The following LONP1 variants were observed in gnomAD, a reference collection of about 807,000 sequenced individuals.
The protein encoded by LONP1 is lon peptidase 1, mitochondrial, also known as lon protease homolog, mitochondrial.
A neutral mutation model predicts 98.5 loss-of-function variants in LONP1; 31 were observed. The ratio of observed to expected loss-of-function variants is 0.31; its 90% CI spans 0.24 to 0.42. LONP1 has a LOEUF of 0.42. Among genes scored for constraint, LONP1 ranks in the 20% least tolerant of loss-of-function variants. LONP1 has a pLI of 1.00. For missense variants in LONP1, 1,336 were observed against 1,350.6 expected (o/e 0.99, Z 0.17); for synonymous variants, 781 against 594.7 (o/e 1.31, Z -4.56).
chr19:5,707,902 G>A (rs914651159), intron 5 of LONP1, 76 bp from the exon 6 acceptor site: 25 of 1,527,106 alleles, frequency 1.6e-5, no homozygotes, highest in African/African-American at 6.8e-5. Flanking sequence ...ACGGGGACCC[G>A]GTCCTCAGGG....
chr19:5,711,864 C>G lies in LONP1; in HGVS notation c.777G>C (p.Ala259=), dbSNP rs756426231. The change falls in exon 4 of 18, where the codon GCG becomes GCC. Residue 259 remains alanine, a synonymous_variant. Coordinates refer to ENST00000360614, the MANE Select transcript of LONP1 (RefSeq NM_004793.4). ...ELSARHPAEL[A]MEPTPELPAE... ...CCGGGAGCTCAGGGGTGGGCTCCAT[C>G]GCCAGCTCCGCCGGGTGCCTGGCGC... The G allele has an allele frequency of 1.9e-6, 3 of 1,612,820 alleles. No individual in the cohort carries two copies. Among genetic ancestry groups the G allele is most frequent in the South Asian group, 2.2e-5 (2 of 91,074 alleles).
rs552366352 is a variant in LONP1, at chr19:5,719,851, G to A, written c.282C>T (p.Ala94=). 7.5e-6 allele frequency: 12 copies of A among 1,605,282 alleles called. No individual in the cohort carries two copies. Among genetic ancestry groups the A allele is most frequent in the South Asian group, 3.3e-5 (3 of 90,518 alleles). Residue 94 remains alanine, a synonymous_variant, in exon 1 of 18, where the codon GCC becomes GCT. Coordinates refer to ENST00000360614, the MANE Select transcript of LONP1 (RefSeq NM_004793.4). ...DASEGGAEEG[A]GGAGGSAGAG... is the part of the protein sequence containing the mutation. Reference sequence around the variant, plus strand: ...CGCCCGCGCTGCCCCCCGCGCCGCCGGCTCCTTCCTCCGCGCCGCCCTCGG... The same window carrying A: ...CGCCCGCGCTGCCCCCCGCGCCGCCAGCTCCTTCCTCCGCGCCGCCCTCGG...
Position 5,692,021 on chromosome 19 carries a change from C to T in LONP1, c.*11G>A, listed in dbSNP as rs370826163. On this transcript the variant is annotated 3_prime_UTR_variant, in exon 18 of 18. Transcript: ENST00000360614. ...GCCTGACATCCGCCGCCTGCAGTCC[C>T]GGGGTGGCCGTCACCGTTCCACGGC... The T allele has an allele frequency of 1.6e-5, 26 of 1,607,816 alleles. No individual in the cohort carries two copies. The African/African-American group carries it at 1.9e-4, about 12-fold the overall frequency.
intron 9 of LONP1, among the ~76,000 whole-genome samples, chr19:5,700,176 C>T (rs2055014731): frequency 6.6e-6 from 1 of 152,108 alleles, no homozygotes; most frequent in Admixed American, 6.5e-5. Context: ...TGCAATGGCA[C>T]GATCTGGGCT....
chr19:5,696,638 G>A (rs1268346000), intron 11 of LONP1, 32 bp downstream of exon 11: 4 of 1,600,926 alleles, frequency 2.5e-6, no homozygotes, highest in Non-Finnish European at 3.4e-6. Flanking sequence ...GCATTGCCGG[G>A]TTAGGGGGTC....
intron 10 of LONP1, among the ~76,000 whole-genome samples, chr19:5,697,076 C>G (rs117521856): frequency 5.3e-5 from 8 of 152,130 alleles, no homozygotes; most frequent in African/African-American, 7.2e-5. Flanking sequence ...CACTGAGGGA[C>G]GCCAGGCACG....
Position 5,692,183 on chromosome 19 carries a change from A to G in LONP1, c.2729T>C (p.Ile910Thr). Residue 910 changes from isoleucine (I) to threonine (T), a missense_variant, in exon 18 of 18, where the codon ATC (isoleucine) becomes ACC (threonine). Around this residue, in one of 5 missense-constraint regions of LONP1, gnomAD observed 555 missense variants for 542.6 expected, o/e 1.02. Transcript: ENST00000360614. The stretch of plus-strand genomic sequence containing the variant: ...CTTCTTGTTCTCGGCTGGCAGGACG[A>G]TGCACGTCACCCCTGCGCGCTTGGC... ...IAAKRAGVTCIVLPAENKKDF... is the reference protein window; with the variant it reads ...IAAKRAGVTCTVLPAENKKDF... The G allele has an allele frequency of 6.2e-7, 1 of 1,613,840 alleles. No individual in the cohort carries two copies. The highest frequency in any genetic ancestry group is 8.5e-7 in the Non-Finnish European group (1 of 1,179,852).
chr19:5,695,310 C>A (rs1381244218), intron 13 of LONP1, among the ~76,000 whole-genome samples: 1 of 152,070 alleles, frequency 6.6e-6, no homozygotes, highest in Non-Finnish European at 1.5e-5. Flanking sequence ...ACAATTCTTG[C>A]CACAGTTCTG....
At chr19:5,697,378 A>C (rs541909232) in intron 10 of LONP1, among the ~76,000 whole-genome samples, 17 of 151,568 alleles carry the variant, frequency 1.1e-4, no homozygotes, top group Non-Finnish European at 1.2e-4. Flanking sequence ...GTGAGGAGAG[A>C]GCCACGTGAG....
At chr19:5,696,586 G>C in intron 11 of LONP1, 84 bp downstream of exon 11, 2 of 1,442,002 alleles carry the variant, frequency 1.4e-6, no homozygotes, top group South Asian at 2.5e-5. Flanking sequence ...AGTTGGCTCG[G>C]GGATCCTAGG....
In LONP1 at chr19:5,700,480, G is replaced by A. The variant is rs6510856; in HGVS notation, c.1506+309C>T. ...CACCCAACCTGATGTGCAGTGGCAT[G>A]ATCACAGCTCACCACAGCCTCAACT... On this transcript the variant is annotated intron_variant, in intron 9 of 17. Transcript: ENST00000360614. Among the ~76,000 whole-genome samples, 182 of 152,098 alleles carry A rather than the reference G, an allele frequency of 1.2e-3. 1 individual carries two copies. Among genetic ancestry groups the A allele is most frequent in the African/African-American group, 4.3e-3 (177 of 41,490 alleles).
Position 5,691,963 on chromosome 19 carries a change from C to T in LONP1, c.*69G>A. The stretch of plus-strand genomic sequence containing the variant: ...GGCTCCACTGCCAGGTCCGGGCGCG[C>T]TCCCCACAGCGCTCAGTTCTGGCCC... On this transcript the variant is annotated 3_prime_UTR_variant, in exon 18 of 18. Transcript: ENST00000360614. 6.5e-7 allele frequency: 1 copy of T among 1,543,060 alleles called. No homozygotes were observed. Among genetic ancestry groups the T allele is most frequent in the Non-Finnish European group, 8.7e-7 (1 of 1,145,230 alleles).
At chr19:5,697,173 A>G (rs2054947842) in intron 10 of LONP1, among the ~76,000 whole-genome samples, 1 of 152,066 alleles carries the variant, frequency 6.6e-6, no homozygotes, top group Admixed American at 6.6e-5. Context: ...GCTCTGCCCC[A>G]GCACAGGGGC....
At chr19:5,707,510 A>T (rs1361702605) in intron 6 of LONP1, among the ~76,000 whole-genome samples, 187 bp downstream of exon 6, 2 of 152,200 alleles carry the variant, frequency 1.3e-5, no homozygotes, top group African/African-American at 4.8e-5. Context: ...CAAGACACGC[A>T]GCGGGAAATC....
At position 5,696,682 on chromosome 19, in the gene LONP1, G is replaced by A. The variant is rs1599449856; in HGVS notation, c.1761C>T (p.Ile587=). 5 of 1,613,142 alleles carry A rather than the reference G, an allele frequency of 3.1e-6. No individual in the cohort carries two copies. The highest frequency in any genetic ancestry group is 2.2e-5 in the South Asian group (2 of 91,064). ...LKKTKTENPL[I]LIDEVDKIGR... ...TCTCCGCACGCACCTCGTCGATGAG[G>A]ATCAGGGGGTTCTCCGTCTTGGTCT... Residue 587 remains isoleucine, a synonymous_variant, in exon 11 of 18, where the codon ATC becomes ATT. Transcript: ENST00000360614.
chr19:5,720,408 C>G, upstream of LONP1: 1 of 579,634 alleles, frequency 1.7e-6, no homozygotes, highest in Non-Finnish European at 3.0e-6. Flanking sequence ...GGTAGTGTTG[C>G]AAACGCAACG....
chr19:5,708,565 A>G (rs553942500), intron 4 of LONP1, 162 bp from the exon 5 acceptor site: 8 of 625,378 alleles, frequency 1.3e-5, no homozygotes, highest in Non-Finnish European at 2.0e-5. Context: ...GGAGGAGTGC[A>G]GTCCCTGGTG....
intron 8 of LONP1, 46 bp from the exon 9 acceptor site, chr19:5,700,973 G>A (rs1443183793): frequency 6.2e-7 from 1 of 1,610,132 alleles, no homozygotes; most frequent in African/African-American, 1.3e-5. Context: ...CTCACGAGCT[G>A]CCTGTCTCTC....
chr19:5,707,552 G>T, intron 6 of LONP1, 145 bp downstream of exon 6: 1 of 800,944 alleles, frequency 1.2e-6, no homozygotes, highest in Non-Finnish European at 2.0e-6. Flanking sequence ...ACACACAGCT[G>T]GGTGTGGATG....
Sources: allele counts gnomAD v4.1 joint callset (sites outside exome capture counted in the v4.1 genomes callset), GRCh38; gene constraint gnomAD v4.1.1; regional missense constraint gnomAD v4.1.1; transcripts MANE v1.5; gene names NCBI Gene and HGNC (gene_info 2026-07-23, HGNC 2026-07-21).